F10: variants seen among roughly 807,000 people sequenced by gnomAD.
F10 encodes Stuart-Prower factor.
A neutral mutation model predicts 37.1 loss-of-function variants in F10; 29 were observed. That is an observed-to-expected ratio of 0.78 (90% CI 0.58 to 1.07). The LOEUF is 1.07. F10 is among the 50% of genes least tolerant of loss of function. The pLI, the probability that F10 is intolerant of heterozygous loss-of-function variation, is 0.00. For missense variants in F10, 539 were observed against 667.9 expected (o/e 0.81, Z 2.13); for synonymous variants, 262 against 268.6 (o/e 0.98, Z 0.24).
chr13:113,147,355 CT>C, intron 6 of F10, 23 bp from the exon 7 acceptor site: 1 of 1,544,560 alleles, frequency 6.5e-7, no homozygotes, highest in Non-Finnish European at 9.0e-7. Context: ...GCCAGCCACA[CT>C]GAGCCTGTCA....
intron 2 of F10, among the ~76,000 whole-genome samples, chr13:113,129,834 G>A (rs1448172384): frequency 6.6e-6 from 1 of 152,214 alleles, no homozygotes. Flanking sequence ...AGGACTCAGC[G>A]GGGAGGGATG....
intron 6 of F10, among the ~76,000 whole-genome samples, chr13:113,145,751 A>AG: frequency 6.6e-6 from 1 of 152,330 alleles, no homozygotes; most frequent in South Asian, 2.1e-4. Context: ...AACAAGCAAA[A>AG]GGGGTTTCCC....
At chr13:113,134,867 T>C (rs2036463870) in intron 2 of F10, among the ~76,000 whole-genome samples, 1 of 152,074 alleles carries the variant, frequency 6.6e-6, no homozygotes, top group African/African-American at 2.4e-5. Context: ...TCTACAAAAT[T>C]CCAATGAAAG....
rs3213006 is a variant in F10, at chr13:113,144,964, C to T, written c.747+869C>T. On this transcript the variant is annotated intron_variant, in intron 6 of 7. Coordinates refer to ENST00000375559, the MANE Select transcript of F10 (RefSeq NM_000504.4). This position sits in a 1 kb window ranked among gnomAD's most constrained non-coding sequence, Gnocchi z 6.4. ...CGCGATCTCGGCTCACTGCAACCTC[C>T]ACCTCCCAGGTTCATGTCATTCTCC... 3.9e-5 allele frequency among the ~76,000 whole-genome samples: 6 copies of T among 152,140 alleles called. No homozygotes were observed. The highest frequency in any genetic ancestry group is 7.4e-5 in the Non-Finnish European group (5 of 68,022).
chr13:113,148,538 G>A (rs1008687619), intron 7 of F10, among the ~76,000 whole-genome samples: 10 of 151,688 alleles, frequency 6.6e-5, no homozygotes, highest in Non-Finnish European at 1.2e-4. Flanking sequence ...TCTATTTTAC[G>A]TTCATGGCAC....
intron 2 of F10, among the ~76,000 whole-genome samples, chr13:113,133,232 A>C (rs1433088853): frequency 6.6e-6 from 1 of 152,126 alleles, no homozygotes; most frequent in Non-Finnish European, 1.5e-5. Flanking sequence ...AAAAAGCAGA[A>C]ATCAAAGAAA....
chr13:113,123,075 C>G, intron 1 of F10, 150 bp downstream of exon 1: 1 of 930,164 alleles, frequency 1.1e-6, no homozygotes, highest in Non-Finnish European at 1.7e-6. Flanking sequence ...CTTGGCCTTT[C>G]CAGCCAACGG....
intron 7 of F10, among the ~76,000 whole-genome samples, chr13:113,148,360 A>ATATATATATG (rs1566922295): frequency 6.0e-5 from 6 of 99,358 alleles, no homozygotes; most frequent in African/African-American, 2.2e-4. Context: ...ATATATATAT[A>ATATATATATG]TATGTATATA....
At chr13:113,127,240 A>G (rs2036379195) in intron 1 of F10, among the ~76,000 whole-genome samples, 1 of 152,214 alleles carries the variant, frequency 6.6e-6, no homozygotes. Flanking sequence ...TTGAAGCTCA[A>G]GATTGCTTGA....
At chr13:113,126,472 G>A (rs1240459562) in intron 1 of F10, among the ~76,000 whole-genome samples, 1 of 152,214 alleles carries the variant, frequency 6.6e-6, no homozygotes, top group Admixed American at 6.5e-5. Flanking sequence ...ACAGAACAGC[G>A]AGTTCCTCTA....
At position 113,141,201 on chromosome 13, in the gene F10, C is replaced by T. The variant is rs536046100; in HGVS notation, c.502+151C>T. On this transcript the variant is annotated intron_variant, in intron 5 of 7. Transcript: ENST00000375559. The surrounding 1 kb of genome is among the most constrained non-coding windows in gnomAD (Gnocchi z 5.4). ...GAGGACAGGACTGAGCCCTGGGCTC[C>T]GGGCCCAGGTGGTTCAAACATGAAG... 38 of 1,122,098 alleles carry T rather than the reference C, an allele frequency of 3.4e-5. No individual in the cohort carries two copies. In the South Asian group the frequency reaches 3.6e-4, roughly 11 times the overall value. The allele number at this position is 1,122,098 out of a possible 1,614,324, so 69.5% of individuals were successfully genotyped here.
In F10 at chr13:113,146,040, C is replaced by T. The variant is rs77513662; in HGVS notation, c.748-1339C>T. The stretch of plus-strand genomic sequence containing the variant: ...GCAAGAATCTCAGAGCTGCCAGCGC[C>T]CCCATGAATTCCCCCAGGTCTTCCC... On this transcript the variant is annotated intron_variant, in intron 6 of 7. Transcript: ENST00000375559. The surrounding 1 kb of genome is among the most constrained non-coding windows in gnomAD (Gnocchi z 4.5). 1.3e-5 allele frequency among the ~76,000 whole-genome samples: 2 copies of T among 152,152 alleles called. No individual in the cohort carries two copies. The highest frequency in any genetic ancestry group is 3.9e-4 in the East Asian group (2 of 5,192).
Position 113,147,435 on chromosome 13 carries a change from G to T in F10, c.804G>T (p.Glu268Asp). The T allele has an allele frequency of 6.2e-7, 1 of 1,614,040 alleles. No homozygotes were observed. The highest frequency in any genetic ancestry group is 8.5e-7 in the Non-Finnish European group (1 of 1,179,898). ...EGFCGGTILS[E>D]FYILTAAHCL... is the part of the protein sequence containing the mutation. ...TCTGTGGTGGAACCATTCTGAGCGAGTTCTACATCCTAACGGCAGCCCACT... is the reference window on the plus strand; with the variant it reads ...TCTGTGGTGGAACCATTCTGAGCGATTTCTACATCCTAACGGCAGCCCACT... Residue 268 changes from glutamate (E) to aspartate (D), a missense_variant, in exon 7 of 8, where the codon GAG (glutamate) becomes GAT (aspartate). This residue lies in a region of F10 where 409 missense variants were observed against 547.9 expected (regional missense o/e 0.75). Coordinates refer to ENST00000375559, the MANE Select transcript of F10 (RefSeq NM_000504.4).
At chr13:113,123,023 G>T in intron 1 of F10, 98 bp downstream of exon 1, 1 of 1,388,302 alleles carries the variant, frequency 7.2e-7, no homozygotes, top group Non-Finnish European at 9.9e-7. Flanking sequence ...CTGGACGGTG[G>T]GTGCCTTGAG....
Position 113,141,486 on chromosome 13 carries a change from G to A in F10, c.502+436G>A, listed in dbSNP as rs1245999781. ...GGAACTGGAGCTAAGGTGCGGGGCTGGGATAGGAGTCAGGGGACGCTCAGG... is the reference window on the plus strand; with the variant it reads ...GGAACTGGAGCTAAGGTGCGGGGCTAGGATAGGAGTCAGGGGACGCTCAGG... On this transcript the variant is annotated intron_variant, in intron 5 of 7. Transcript: ENST00000375559. This position sits in a 1 kb window ranked among gnomAD's most constrained non-coding sequence, Gnocchi z 5.4. Among the ~76,000 whole-genome samples the A allele has an allele frequency of 6.6e-6, 1 of 152,208 alleles. No homozygotes were observed. Among genetic ancestry groups the A allele is most frequent in the Non-Finnish European group, 1.5e-5 (1 of 68,042 alleles).
intron 2 of F10, chr13:113,132,037 A>G (rs2142255795): frequency 6.6e-6 from 1 of 152,394 alleles, no homozygotes; most frequent in African/African-American, 2.4e-5. Flanking sequence ...AAAGCGCAAC[A>G]TTGACACGTC....
rs1300922846 is a variant in F10 at position 113,148,345 on chromosome 13, A to AAAAAATATATATATATAT, written c.866-570_866-569insAAAATATATATATATATA. Among the ~76,000 whole-genome samples, 6 of 95,412 alleles carry AAAAAATATATATATATAT rather than the reference A, an allele frequency of 6.3e-5. No homozygotes were observed. In the East Asian group the frequency reaches 2.1e-3, roughly 34 times the overall value. The allele number at this position is 95,412 out of a possible 152,430, so 62.6% of individuals were successfully genotyped here. A position where few individuals can be genotyped will look rare whatever the true frequency, so the allele number is the denominator to read the frequency against. ...AACTCTGTCTCAAAAAAAAAAAAAA[A>AAAAAATATATATATATAT]ATATATATATATATATATGTATATA... On this transcript the variant is annotated intron_variant, in intron 7 of 7. Transcript: ENST00000375559.
chr13:113,147,208 A>C (rs888813752), intron 6 of F10, among the ~76,000 whole-genome samples, 171 bp from the exon 7 acceptor site: 1 of 152,240 alleles, frequency 6.6e-6, no homozygotes, highest in Admixed American at 6.5e-5. Context: ...TGTGTGGCAC[A>C]GGCAGAGAAA....
At position 113,139,535 on chromosome 13, in the gene F10, G is replaced by A. The variant is rs3211770; in HGVS notation, c.370+65G>A. 0.12 allele frequency: 150,390 copies of A among 1,287,960 alleles called. 9,621 individuals carry two copies. The highest frequency in any genetic ancestry group is 0.19 in the South Asian group (16,082 of 83,540). 79.8% of individuals were successfully genotyped at this position (1,287,960 alleles called of 1,614,324 possible). On this transcript the variant is annotated intron_variant, in intron 4 of 7. Coordinates refer to ENST00000375559, the MANE Select transcript of F10 (RefSeq NM_000504.4). This position sits in a 1 kb window ranked among gnomAD's most constrained non-coding sequence, Gnocchi z 5.2. ...CCTGAAGAGTGGCAGGTGGGCGGGG[G>A]AAGAAGTGAAAACGCCTAATGAAAC...
Sources: allele counts gnomAD v4.1 joint callset (sites outside exome capture counted in the v4.1 genomes callset), GRCh38; gene constraint gnomAD v4.1.1; regional missense constraint gnomAD v4.1.1; non-coding constraint Gnocchi (gnomAD v3.1); transcripts MANE v1.5; gene names NCBI Gene and HGNC (gene_info 2026-07-23, HGNC 2026-07-21).